PIP5K1B: variants seen among roughly 807,000 people sequenced by gnomAD.
PIP5K1B encodes phosphatidylinositol 4-phosphate 5-kinase type-1 beta.
In PIP5K1B, 42 loss-of-function variants were observed where a neutral mutation model predicts 67.0. That is an observed-to-expected ratio of 0.63 (90% CI 0.49 to 0.81). The LOEUF is 0.81. PIP5K1B is among the 30% of genes least tolerant of loss of function. The pLI is 0.00. For missense variants in PIP5K1B, 459 were observed against 646.3 expected (o/e 0.71, Z 3.14); for synonymous variants, 214 against 231.4 (o/e 0.92, Z 0.68).
At chr9:68,920,793 T>TAC (rs879535374) in intron 11 of PIP5K1B, among the ~76,000 whole-genome samples, 1,392 of 133,490 alleles carry the variant, frequency 0.01, 19 homozygotes, top group East Asian at 0.066. Flanking sequence ...CTCACACACA[T>TAC]ACACACACAT....
intron 8 of PIP5K1B, among the ~76,000 whole-genome samples, chr9:68,897,467 C>T (rs537735840): frequency 5.9e-5 from 9 of 152,012 alleles, no homozygotes; most frequent in South Asian, 2.1e-4. Flanking sequence ...AAGCTTTCTC[C>T]GGATAGGCAA....
At chr9:68,909,180 T>C (rs377542733) in intron 8 of PIP5K1B, among the ~76,000 whole-genome samples, 20 of 152,326 alleles carry the variant, frequency 1.3e-4, no homozygotes, top group African/African-American at 4.6e-4. Context: ...AACTTTAATT[T>C]TGAAAAGTTT....
At chr9:68,967,165 A>G (rs1000564908) in intron 14 of PIP5K1B, among the ~76,000 whole-genome samples, 1 of 152,220 alleles carries the variant, frequency 6.6e-6, no homozygotes, top group Non-Finnish European at 1.5e-5. Flanking sequence ...GTTTCAACCT[A>G]TGAATGAATC....
At chr9:68,780,082 G>GTATCATCA in intron 2 of PIP5K1B, 4 of 1,334,314 alleles carry the variant, frequency 3.0e-6, no homozygotes, top group Non-Finnish European at 2.9e-6. Context: ...CGGTGGCGGC[G>GTATCATCA]GCAGCGGCGG....
intron 2 of PIP5K1B, among the ~76,000 whole-genome samples, chr9:68,787,829 C>G (rs942379145): frequency 2.4e-4 from 37 of 152,072 alleles, no homozygotes; most frequent in African/African-American, 8.9e-4. Context: ...GACGGGGTTT[C>G]ACCATGTTGG....
intron 7 of PIP5K1B, among the ~76,000 whole-genome samples, chr9:68,892,618 G>T (rs750199506): frequency 2.6e-5 from 4 of 152,106 alleles, no homozygotes; most frequent in Non-Finnish European, 5.9e-5. Flanking sequence ...TCCATATGGA[G>T]TAAAGACCAA....
intron 14 of PIP5K1B, among the ~76,000 whole-genome samples, chr9:68,980,520 A>G (rs765500271): frequency 7.9e-4 from 120 of 152,212 alleles, no homozygotes; most frequent in Non-Finnish European, 1.4e-3. Flanking sequence ...AAACAGGCAG[A>G]GTCTCAGAGG....
intron 4 of PIP5K1B, among the ~76,000 whole-genome samples, chr9:68,853,968 G>A (rs899450846): frequency 3.3e-5 from 5 of 152,002 alleles, no homozygotes; most frequent in African/African-American, 9.7e-5. Flanking sequence ...GCTGGAGGCC[G>A]GCTTGTGCCA....
At chr9:68,928,284 T>C (rs1296581497) in intron 12 of PIP5K1B, among the ~76,000 whole-genome samples, 1 of 152,208 alleles carries the variant, frequency 6.6e-6, no homozygotes, top group African/African-American at 2.4e-5. Context: ...TATTCTGGGT[T>C]CCTTGTATGT....
chr9:68,878,013 CTGTGTGTGTGTGTGTGTGTG>C (rs35871698), intron 6 of PIP5K1B, among the ~76,000 whole-genome samples: 1 of 142,006 alleles, frequency 7.0e-6, no homozygotes, highest in Admixed American at 7.1e-5. Flanking sequence ...CGCATTTGTT[CTGTGTGTGTGTGTGTGTGTG>C]TGTGTGTGTG....
At chr9:68,979,551 G>C (rs1259779513) in intron 14 of PIP5K1B, among the ~76,000 whole-genome samples, 2 of 13,226 alleles carry the variant, frequency 1.5e-4, no homozygotes, top group Non-Finnish European at 2.6e-4. Flanking sequence ...ATCACACACA[G>C]AGTCACTCCC....
intron 12 of PIP5K1B, among the ~76,000 whole-genome samples, chr9:68,929,815 A>G (rs925250559): frequency 2.6e-5 from 4 of 152,160 alleles, no homozygotes; most frequent in Non-Finnish European, 5.9e-5. Flanking sequence ...GACCACAGGC[A>G]TGCGCCACCA....
intron 1 of PIP5K1B, among the ~76,000 whole-genome samples, chr9:68,731,666 GA>G (rs1351418188): frequency 3.3e-5 from 5 of 152,186 alleles, no homozygotes; most frequent in African/African-American, 1.2e-4. Flanking sequence ...GCAATTAAAA[GA>G]AAGGTGGTAA....
chr9:68,739,220 A>G (rs935330877), intron 1 of PIP5K1B, among the ~76,000 whole-genome samples: 1 of 152,232 alleles, frequency 6.6e-6, no homozygotes, highest in Non-Finnish European at 1.5e-5. Flanking sequence ...AGTTTAAAAT[A>G]TTTCATGTGC....
intron 4 of PIP5K1B, among the ~76,000 whole-genome samples, chr9:68,853,532 A>G (rs1822600450): frequency 6.6e-6 from 1 of 152,164 alleles, no homozygotes; most frequent in Admixed American, 6.5e-5. Flanking sequence ...GCAATAGACT[A>G]TAGTATTTTT....
rs746336488 is a variant in PIP5K1B at position 68,971,823 on chromosome 9, C to CT, written c.1503-19312dup. Among the ~76,000 whole-genome samples, 163 of 152,264 alleles carry CT rather than the reference C, an allele frequency of 1.1e-3. 1 individual carries two copies. The highest frequency in any genetic ancestry group is 2.2e-3 in the Non-Finnish European group (150 of 68,034). On this transcript the variant is annotated intron_variant, in intron 14 of 15. Coordinates refer to ENST00000265382, the MANE Select transcript of PIP5K1B (RefSeq NM_003558.4). ...AGTGTCTGTTCATATCCTTTGCCCA[C>CT]TTTTTGATGGGGTTGTTTTTTCTTG...
chr9:68,870,127 A>G (rs1025768437), intron 5 of PIP5K1B, among the ~76,000 whole-genome samples: 7 of 152,206 alleles, frequency 4.6e-5, no homozygotes, highest in Admixed American at 2.6e-4. Context: ...ATATTATACA[A>G]TATTCTACTT....
chr9:68,910,042 G>A (rs1825784357), intron 8 of PIP5K1B, among the ~76,000 whole-genome samples: 1 of 152,156 alleles, frequency 6.6e-6, no homozygotes, highest in Non-Finnish European at 1.5e-5. Context: ...CTTGAGATGT[G>A]TTCCATCTTA....
intron 8 of PIP5K1B, among the ~76,000 whole-genome samples, chr9:68,905,299 A>G (rs1825554204): frequency 6.6e-6 from 1 of 152,176 alleles, no homozygotes; most frequent in South Asian, 2.1e-4. Context: ...GCCTGATGGT[A>G]GCAACTCTGG....
Sources: allele counts gnomAD v4.1 joint callset (sites outside exome capture counted in the v4.1 genomes callset), GRCh38; gene constraint gnomAD v4.1.1; transcripts MANE v1.5; gene names NCBI Gene and HGNC (gene_info 2026-07-23, HGNC 2026-07-21).